The following GRIN2A variants were observed in gnomAD, a reference collection of about 807,000 sequenced individuals.
The protein encoded by GRIN2A is glutamate receptor ionotropic, NMDA 2A.
GRIN2A carries 22 observed loss-of-function variants against 113.4 expected under a neutral mutation model. The ratio of observed to expected loss-of-function variants is 0.19; its 90% confidence interval spans 0.14 to 0.28. The LOEUF is 0.28. Among genes scored for constraint, GRIN2A ranks in the 10% least tolerant of loss-of-function variants. The pLI is 1.00. For missense variants in GRIN2A, 1,502 were observed against 1,887.0 expected (o/e 0.80, Z 3.78); for synonymous variants, 827 against 738.4 (o/e 1.12, Z -1.94).
At chr16:9,998,965 G>T (rs562893112) in intron 2 of GRIN2A, among the ~76,000 whole-genome samples, 2 of 152,082 alleles carry the variant, frequency 1.3e-5, no homozygotes, top group Non-Finnish European at 2.9e-5. Context: ...AATATACAAA[G>T]AATCCTTATT....
At chr16:10,052,212 A>T (rs2047371250) in intron 2 of GRIN2A, among the ~76,000 whole-genome samples, 1 of 152,230 alleles carries the variant, frequency 6.6e-6, no homozygotes, top group South Asian at 2.1e-4. Context: ...TCTCATGATA[A>T]TTCAAGCTCT....
chr16:10,087,115 C>T (rs911665688), intron 2 of GRIN2A, among the ~76,000 whole-genome samples: 1 of 152,162 alleles, frequency 6.6e-6, no homozygotes, highest in Non-Finnish European at 1.5e-5. Flanking sequence ...CAAGTCCATG[C>T]AAATCTTGAA....
intron 2 of GRIN2A, among the ~76,000 whole-genome samples, chr16:10,085,374 G>T (rs1006784393): frequency 3.3e-5 from 5 of 152,114 alleles, no homozygotes; most frequent in Non-Finnish European, 7.4e-5. Flanking sequence ...AGAAGGGCAC[G>T]CAAATGCACA....
intron 2 of GRIN2A, among the ~76,000 whole-genome samples, chr16:10,057,297 T>C (rs2141999284): frequency 6.6e-6 from 1 of 152,222 alleles, no homozygotes; most frequent in Middle Eastern, 3.4e-3. Context: ...GTAAATACAA[T>C]GGGCTTGCTA....
chr16:9,997,680 T>G (rs1053844618), intron 2 of GRIN2A, among the ~76,000 whole-genome samples: 2 of 152,196 alleles, frequency 1.3e-5, no homozygotes, highest in Admixed American at 6.5e-5. Flanking sequence ...AATTTCATCT[T>G]GAATCATAGC....
chr16:9,961,726 C>T (rs537553345), intron 2 of GRIN2A, among the ~76,000 whole-genome samples: 9 of 152,242 alleles, frequency 5.9e-5, no homozygotes, highest in African/African-American at 1.4e-4. Context: ...AGATTCAATG[C>T]CATCCCCATC....
At chr16:9,887,196 G>T (rs532508719) in intron 4 of GRIN2A, among the ~76,000 whole-genome samples, 35 of 151,552 alleles carry the variant, frequency 2.3e-4, no homozygotes, top group Admixed American at 7.9e-4. Context: ...CCGGATTTAG[G>T]TTTTTTTTTA....
At chr16:9,967,025 TCTCA>T (rs1228794269) in intron 2 of GRIN2A, among the ~76,000 whole-genome samples, 1 of 152,196 alleles carries the variant, frequency 6.6e-6, no homozygotes, top group Non-Finnish European at 1.5e-5. Flanking sequence ...ACGATGAAAT[TCTCA>T]CTATTAGTTC....
At chr16:10,003,916 C>T (rs1391020970) in intron 2 of GRIN2A, among the ~76,000 whole-genome samples, 5 of 152,140 alleles carry the variant, frequency 3.3e-5, no homozygotes, top group Non-Finnish European at 7.3e-5. Flanking sequence ...AGTCACACGT[C>T]CGCATTGCCT....
At chr16:9,935,870 A>G (rs918033245) in intron 3 of GRIN2A, among the ~76,000 whole-genome samples, 1 of 151,558 alleles carries the variant, frequency 6.6e-6, no homozygotes, top group Non-Finnish European at 1.5e-5. Context: ...CCTGGCTAAC[A>G]TTTGTATTTT....
intron 8 of GRIN2A, among the ~76,000 whole-genome samples, chr16:9,833,846 A>C (rs2042540833): frequency 6.6e-6 from 1 of 152,080 alleles, no homozygotes; most frequent in South Asian, 2.1e-4. Flanking sequence ...CTGCCTCATG[A>C]GTAGCTGGTA....
At chr16:10,171,975 A>G (rs780644306) in intron 2 of GRIN2A, among the ~76,000 whole-genome samples, 3 of 152,194 alleles carry the variant, frequency 2.0e-5, no homozygotes, top group Non-Finnish European at 2.9e-5. Flanking sequence ...TCAAAGTACA[A>G]TATATTAACC....
chr16:9,899,993 C>T (rs7196874), intron 3 of GRIN2A, among the ~76,000 whole-genome samples: 4,474 of 152,236 alleles, frequency 0.029, 222 homozygotes, highest in African/African-American at 0.1. Flanking sequence ...GAGGTCATAA[C>T]AGCCATGTCA....
rs1011321797 is a variant in GRIN2A, at chr16:10,139,201, A to G, written c.414+40797T>C. 9.9e-5 allele frequency among the ~76,000 whole-genome samples: 15 copies of G among 152,176 alleles called. No individual in the cohort carries two copies. In the South Asian group the frequency reaches 2.7e-3, roughly 27 times the overall value. ...CCTAGGGGTGGAAGCTTGGGGGTCAAGTCTGCTTTGAGAGGCAAGATCTCA... is the reference window on the plus strand; with the variant it reads ...CCTAGGGGTGGAAGCTTGGGGGTCAGGTCTGCTTTGAGAGGCAAGATCTCA... On this transcript the variant is annotated intron_variant, in intron 2 of 12. Coordinates refer to ENST00000330684, the MANE Select transcript of GRIN2A (RefSeq NM_001134407.3).
At chr16:9,775,998 C>G (rs1212464628) in intron 11 of GRIN2A, among the ~76,000 whole-genome samples, 1 of 152,192 alleles carries the variant, frequency 6.6e-6, no homozygotes, top group Non-Finnish European at 1.5e-5. Flanking sequence ...CAGAGTCAGA[C>G]AGAAGACGCA....
At chr16:9,846,302 G>A (rs992128685) in intron 5 of GRIN2A, among the ~76,000 whole-genome samples, 2 of 152,138 alleles carry the variant, frequency 1.3e-5, no homozygotes, top group East Asian at 3.9e-4. Context: ...GAAAGCAAGG[G>A]CCTTTTTAGG....
intron 2 of GRIN2A, among the ~76,000 whole-genome samples, chr16:10,018,820 T>C (rs2046659230): frequency 6.6e-6 from 1 of 152,124 alleles, no homozygotes; most frequent in Non-Finnish European, 1.5e-5. Flanking sequence ...ATCTCTGAGT[T>C]GCAGACACCT....
At position 10,039,808 on chromosome 16, in the gene GRIN2A, G is replaced by GGGAGAGA. The variant is rs1555469298; in HGVS notation, c.415-101258_415-101257insTCTCTCC. On this transcript the variant is annotated intron_variant, in intron 2 of 12. Transcript: ENST00000330684. ...AGGGGGAGGGGGAGGGGGAGGGGGGGGAGAAAGAGAGAGAGAGAGAGAGAG... is the reference window on the plus strand; with the variant it reads ...AGGGGGAGGGGGAGGGGGAGGGGGGGGGAGAGAGAGAAAGAGAGAGAGAGAGAGAGAG... Among the ~76,000 whole-genome samples, 10 of 63,822 alleles carry GGGAGAGA rather than the reference G, an allele frequency of 1.6e-4. No individual in the cohort carries two copies. The East Asian group carries it at 2.6e-3, about 16-fold the overall frequency. 41.9% of individuals were successfully genotyped at this position (63,822 alleles called of 152,430 possible).
chr16:10,085,519 C>G (rs961613391), intron 2 of GRIN2A, among the ~76,000 whole-genome samples: 1 of 152,122 alleles, frequency 6.6e-6, no homozygotes, highest in Non-Finnish European at 1.5e-5. Context: ...GTGCAGCCCC[C>G]GTAAACTGAC....
Sources: allele counts gnomAD v4.1 joint callset (sites outside exome capture counted in the v4.1 genomes callset), GRCh38; gene constraint gnomAD v4.1.1; transcripts MANE v1.5; gene names NCBI Gene and HGNC (gene_info 2026-07-23, HGNC 2026-07-21).